Variants in PITPNM3 observed in about 807,000 individuals in gnomAD.
PITPNM3 encodes PITPNM family member 3.
A neutral mutation model predicts 102.0 loss-of-function variants in PITPNM3; 26 were observed. The ratio of observed to expected loss-of-function variants is 0.25; its 90% CI spans 0.19 to 0.35. The LOEUF (loss-of-function observed/expected upper bound fraction) is 0.35, where lower values mean the gene tolerates loss of function less well. Among genes scored for constraint, PITPNM3 ranks in the 10% least tolerant of loss-of-function variants. The probability of loss-of-function intolerance (pLI) is 1.00; values close to 1 mark genes in which losing one functional copy is unlikely to be tolerated. For missense variants in PITPNM3, 1,083 were observed against 1,346.1 expected, an observed-to-expected ratio of 0.80 and a Z score of 3.06; for synonymous variants, 578 against 558.6, an observed-to-expected ratio of 1.03 and a Z score of -0.49.
intron 14 of PITPNM3, among the ~76,000 whole-genome samples, 161 bp from the exon 15 acceptor site, chr17:6,464,932 G>A (rs577130674): frequency 2.0e-5 from 3 of 152,344 alleles, no homozygotes; most frequent in Non-Finnish European, 2.9e-5. Flanking sequence ...CCCAGGGAAC[G>A]TGTGAGAAAA....
rs1436379365 is a variant in PITPNM3 at position 6,455,620 on chromosome 17, T to TGCG, written c.2640_2642dup (p.Ala881dup). The stretch of plus-strand genomic sequence containing the variant: ...GGCTGGCCTCCAGCGCGGCCAGGTG[T>TGCG]GCGGCGTAGCCCTCGCTCAGGAACT... On this transcript the variant is annotated inframe_insertion, in exon 20 of 20. Coordinates refer to ENST00000262483, the MANE Select transcript of PITPNM3 (RefSeq NM_031220.4). 1.3e-6 allele frequency: 2 copies of TGCG among 1,537,186 alleles called. No individual in the cohort carries two copies. Among genetic ancestry groups the TGCG allele is most frequent in the Admixed American group, 1.9e-5 (1 of 53,554 alleles).
At chr17:6,492,151 C>T (rs1906527911) in intron 4 of PITPNM3, among the ~76,000 whole-genome samples, 2 of 151,320 alleles carry the variant, frequency 1.3e-5, no homozygotes, top group Admixed American at 6.6e-5. Flanking sequence ...GCAACCTCCA[C>T]CTCCCGGGTT....
intron 2 of PITPNM3, among the ~76,000 whole-genome samples, chr17:6,527,278 A>T (rs1444867335): frequency 6.6e-6 from 1 of 152,202 alleles, no homozygotes; most frequent in East Asian, 1.9e-4. Flanking sequence ...CTCATGTTAG[A>T]TTGATTTTTT....
At chr17:6,486,903 A>G (rs925174323) in intron 4 of PITPNM3, among the ~76,000 whole-genome samples, 1 of 152,186 alleles carries the variant, frequency 6.6e-6, no homozygotes, top group Non-Finnish European at 1.5e-5. Context: ...GCCCCATTTT[A>G]CAGATGAGCA....
At chr17:6,484,930 T>C (rs1905982259) in intron 4 of PITPNM3, among the ~76,000 whole-genome samples, 2 of 152,166 alleles carry the variant, frequency 1.3e-5, no homozygotes, top group Non-Finnish European at 2.9e-5. Context: ...TTCCATCTCC[T>C]GCCTCACACA....
chr17:6,489,677 T>C (rs1349841625), intron 4 of PITPNM3, among the ~76,000 whole-genome samples: 2 of 152,070 alleles, frequency 1.3e-5, no homozygotes, highest in African/African-American at 4.8e-5. Flanking sequence ...TCTTAGACTG[T>C]TAGGCCCTTT....
chr17:6,526,171 T>C (rs1486394260), intron 2 of PITPNM3, among the ~76,000 whole-genome samples: 1 of 152,202 alleles, frequency 6.6e-6, no homozygotes, highest in Non-Finnish European at 1.5e-5. Context: ...CCTGTCTCTA[T>C]CCTTGTTCTT....
chr17:6,463,459 A>AGGGAGGCAGGGAGGGAAGG (rs1904590905), intron 17 of PITPNM3, among the ~76,000 whole-genome samples: 9 of 47,522 alleles, frequency 1.9e-4, no homozygotes, highest in Admixed American at 3.6e-4. Context: ...GGGAGGGAAG[A>AGGGAGGCAGGGAGGGAAGG]AGGAAAAAAG....
Position 6,478,954 on chromosome 17 carries a change from T to C in PITPNM3, c.588-218A>G. The C allele has an allele frequency of 1.7e-6, 1 of 593,042 alleles. No individual in the cohort carries two copies. Among genetic ancestry groups the C allele is most frequent in the Admixed American group, 3.0e-5 (1 of 33,640 alleles). The allele number at this position is 593,042 out of a possible 1,614,324, so 36.7% of individuals were successfully genotyped here. ...CCTACACTGACTCCCTGTGTGTCCT[T>C]CCCGTGCTGGCCATGGGTGTGGGCC... On this transcript the variant is annotated intron_variant, in intron 6 of 19. Transcript: ENST00000262483. The surrounding 1 kb of genome is among the most constrained non-coding windows in gnomAD (Gnocchi z 4.4).
intron 2 of PITPNM3, among the ~76,000 whole-genome samples, chr17:6,534,780 T>C (rs1909324781): frequency 1.3e-5 from 2 of 151,984 alleles, no homozygotes; most frequent in African/African-American, 2.4e-5. Flanking sequence ...TTTGTATCAG[T>C]TGAGGTGGGC....
In PITPNM3 at chr17:6,477,060, C is replaced by T. The variant is rs761499846; in HGVS notation, c.1054G>A (p.Ala352Thr). ...QSDSSTYDCE[A>T]ITQHHAFLSS... is the part of the protein sequence containing the mutation. ...AGGAAGGCATGGTGCTGGGTGATGG[C>T]CTCGCAGTCATAGGTGGAGGAGTCG... Residue 352 changes from alanine (A) to threonine (T), a missense_variant, in exon 9 of 20, where the codon GCC (alanine) becomes ACC (threonine). Around this residue, in one of 5 missense-constraint regions of PITPNM3, gnomAD observed 172 missense variants for 175.6 expected, o/e 0.98. Coordinates refer to ENST00000262483, the MANE Select transcript of PITPNM3 (RefSeq NM_031220.4). The T allele has an allele frequency of 5.0e-6, 8 of 1,614,136 alleles. No individual in the cohort carries two copies. In the South Asian group the frequency reaches 8.8e-5, roughly 18 times the overall value.
intron 4 of PITPNM3, among the ~76,000 whole-genome samples, chr17:6,489,453 A>G (rs181153585): frequency 5.9e-5 from 9 of 151,366 alleles, no homozygotes; most frequent in Non-Finnish European, 1.2e-4. Flanking sequence ...AAGCTCATAC[A>G]TGGGTGGAAA....
chr17:6,543,615 G>A (rs1909850167), intron 1 of PITPNM3, among the ~76,000 whole-genome samples: 1 of 152,254 alleles, frequency 6.6e-6, no homozygotes, highest in Admixed American at 6.5e-5. Flanking sequence ...GGAGTAGGGG[G>A]CAGAGCTGAA....
intron 1 of PITPNM3, among the ~76,000 whole-genome samples, chr17:6,541,538 AGCT>A (rs1246653479): frequency 2.0e-5 from 3 of 152,124 alleles, no homozygotes; most frequent in Non-Finnish European, 4.4e-5. Flanking sequence ...CATGGACGGA[AGCT>A]TGGAACAGGT....
At position 6,476,833 on chromosome 17, in the gene PITPNM3, C is replaced by T. The variant is rs79217384; in HGVS notation, c.1085+196G>A. On this transcript the variant is annotated intron_variant, in intron 9 of 19. Transcript: ENST00000262483. ...CAGGGCAGGGACAGGGAACCAGGTT[C>T]CAGAGTCTCAGTACAGGGCTGCCGA... 5.1e-3 allele frequency among the ~76,000 whole-genome samples: 771 copies of T among 152,322 alleles called. 3 individuals are homozygous for T. The highest frequency in any genetic ancestry group is 0.018 in the African/African-American group (740 of 41,568).
In PITPNM3 at chr17:6,454,506, TA is replaced by T. The variant is rs1013703139; in HGVS notation, c.*831del. The stretch of plus-strand genomic sequence containing the variant: ...GTCAAAGACTCACACCAATCTCAGC[TA>T]GGGGGACCCCTCCAATAACAGAAGG... On this transcript the variant is annotated 3_prime_UTR_variant, in exon 20 of 20. Transcript: ENST00000262483. 7.9e-5 allele frequency: 12 copies of T among 152,380 alleles called. No homozygotes were observed. The highest frequency in any genetic ancestry group is 2.9e-4 in the African/African-American group (12 of 41,550). The allele number at this position is 152,380 out of a possible 1,614,324, so 9.4% of individuals were successfully genotyped here.
Position 6,468,614 on chromosome 17 carries a change from C to T in PITPNM3, c.1774-273G>A, listed in dbSNP as rs1310055716. On this transcript the variant is annotated intron_variant, in intron 13 of 19. Coordinates refer to ENST00000262483, the MANE Select transcript of PITPNM3 (RefSeq NM_031220.4). The surrounding 1 kb of genome is among the most constrained non-coding windows in gnomAD (Gnocchi z 5.2). The stretch of plus-strand genomic sequence containing the variant: ...TGGCAGCCACCTCTATCTGTCCCCA[C>T]TCTCTGCCCTCCCTCTGTTACAACA... Among the ~76,000 whole-genome samples the T allele has an allele frequency of 1.3e-5, 2 of 152,286 alleles. No individual in the cohort carries two copies. Among genetic ancestry groups the T allele is most frequent in the African/African-American group, 4.8e-5 (2 of 41,558 alleles).
intron 14 of PITPNM3, among the ~76,000 whole-genome samples, chr17:6,465,347 G>C (rs185803331): frequency 6.6e-6 from 1 of 152,170 alleles, no homozygotes. Flanking sequence ...TGCCTGGCCC[G>C]TTCTCTGTTT....
intron 2 of PITPNM3, among the ~76,000 whole-genome samples, chr17:6,530,212 C>T (rs1909069413): frequency 6.6e-6 from 1 of 152,188 alleles, no homozygotes; most frequent in Non-Finnish European, 1.5e-5. Flanking sequence ...TTCTTCTGTT[C>T]CCCCTTCTCT....
Sources: allele counts gnomAD v4.1 joint callset (sites outside exome capture counted in the v4.1 genomes callset), GRCh38; gene constraint gnomAD v4.1.1; regional missense constraint gnomAD v4.1.1; non-coding constraint Gnocchi (gnomAD v3.1); transcripts MANE v1.5; gene names NCBI Gene and HGNC (gene_info 2026-07-23, HGNC 2026-07-21).